PRPH2: variants seen among roughly 807,000 people sequenced by gnomAD.
PRPH2 encodes the protein peripherin-2.
Under a neutral mutation model 31.3 loss-of-function variants are expected in PRPH2, and 17 were observed. The observed-to-expected ratio is 0.54, with a 90% confidence interval of 0.37 to 0.81. The LOEUF (loss-of-function observed/expected upper bound fraction) is 0.81, where lower values mean the gene tolerates loss of function less well. Ranked by LOEUF, PRPH2 falls within the 40% of genes least tolerant of loss-of-function variation. PRPH2 has a pLI of 0.00. For missense variants in PRPH2, 430 were observed against 439.7 expected, an observed-to-expected ratio of 0.98 and a Z score of 0.20; for synonymous variants, 165 against 184.4, an observed-to-expected ratio of 0.89 and a Z score of 0.85.
intron 1 of PRPH2, chr6:42,711,840 C>T (rs976524622): frequency 3.0e-6 from 3 of 985,418 alleles, no homozygotes; most frequent in Non-Finnish European, 3.6e-6. Flanking sequence ...GGACCCCAGG[C>T]TGGGCCTTCC....
rs1344376590 is a variant in PRPH2, at chr6:42,722,406, G to A, written c.-72C>T. On this transcript the variant is annotated 5_prime_UTR_variant, in exon 1 of 3. Transcript: ENST00000230381. The surrounding 1 kb of genome is among the most constrained non-coding windows in gnomAD (Gnocchi z 4.4). The stretch of plus-strand genomic sequence containing the variant: ...CCCAAACCTTAACGAGCCCAGAGGC[G>A]GAGACTTAGGGCCTTGGGAAAAGTG... 24 of 1,590,690 alleles carry A rather than the reference G, an allele frequency of 1.5e-5. No individual in the cohort carries two copies. Among genetic ancestry groups the A allele is most frequent in the Admixed American group, 3.5e-5 (2 of 57,188 alleles).
At chr6:42,718,155 C>T (rs531205999) in intron 1 of PRPH2, among the ~76,000 whole-genome samples, 1 of 152,068 alleles carries the variant, frequency 6.6e-6, no homozygotes, top group East Asian at 1.9e-4. Context: ...ACCAAAAATA[C>T]AGAAAATTAG....
At chr6:42,715,700 T>A (rs1363347098) in intron 1 of PRPH2, among the ~76,000 whole-genome samples, 1 of 151,898 alleles carries the variant, frequency 6.6e-6, no homozygotes, top group East Asian at 1.9e-4. Context: ...AACAAAAAAC[T>A]CTTGTAAATT....
chr6:42,707,038 T>C (rs1800181445), intron 1 of PRPH2, among the ~76,000 whole-genome samples: 1 of 140,540 alleles, frequency 7.1e-6, no homozygotes, highest in South Asian at 2.2e-4. Flanking sequence ...CAGGCTGGAG[T>C]GCAGTGGTGT....
chr6:42,704,319 C>A (rs1314142401), intron 2 of PRPH2, 46 bp downstream of exon 2: 1 of 1,587,786 alleles, frequency 6.3e-7, no homozygotes, highest in African/African-American at 1.3e-5. Context: ...CCAAATGGGA[C>A]CGGAGGCTCT....
intron 1 of PRPH2, among the ~76,000 whole-genome samples, chr6:42,711,507 A>C (rs1761640702): frequency 6.6e-6 from 1 of 151,506 alleles, no homozygotes; most frequent in Non-Finnish European, 1.5e-5. Flanking sequence ...CCCTGTCTTC[A>C]GGGGACCCTA....
intron 1 of PRPH2, among the ~76,000 whole-genome samples, chr6:42,714,647 G>C (rs978203422): frequency 9.2e-5 from 14 of 152,098 alleles, no homozygotes; most frequent in Non-Finnish European, 2.1e-4. Flanking sequence ...CTCCCAAGTA[G>C]CTGAGACTAT....
At chr6:42,720,360 C>T (rs775304248) in intron 1 of PRPH2, among the ~76,000 whole-genome samples, 1 of 152,090 alleles carries the variant, frequency 6.6e-6, no homozygotes, top group Non-Finnish European at 1.5e-5. Context: ...CTACCATCGG[C>T]CTCTCCCACT....
chr6:42,701,723 GCTCA>G (rs1246860679), intron 2 of PRPH2, among the ~76,000 whole-genome samples: 1 of 107,894 alleles, frequency 9.3e-6, no homozygotes, highest in Non-Finnish European at 1.9e-5. Flanking sequence ...AGAGATGAGG[GCTCA>G]CTATGTTGCC....
intron 2 of PRPH2, 43 bp from the exon 3 acceptor site, chr6:42,698,550 G>A (rs1360536768): frequency 6.2e-7 from 1 of 1,611,268 alleles, no homozygotes; most frequent in East Asian, 2.2e-5. Flanking sequence ...TGGGAGAATC[G>A]CTGGGAGCTG....
At chr6:42,709,347 A>C (rs930589884) in intron 1 of PRPH2, among the ~76,000 whole-genome samples, 4 of 149,322 alleles carry the variant, frequency 2.7e-5, no homozygotes, top group Admixed American at 6.7e-5. Flanking sequence ...AAAAAAAAAA[A>C]AAAAAAAACT....
intron 2 of PRPH2, among the ~76,000 whole-genome samples, chr6:42,701,423 G>T (rs549859880): frequency 6.6e-6 from 1 of 151,694 alleles, no homozygotes; most frequent in Admixed American, 6.6e-5. Flanking sequence ...GCGCCTGGCC[G>T]TCATTTTTGT....
At chr6:42,714,857 G>T (rs572509545) in intron 1 of PRPH2, among the ~76,000 whole-genome samples, 2 of 152,134 alleles carry the variant, frequency 1.3e-5, no homozygotes, top group South Asian at 2.1e-4. Flanking sequence ...ACTTCCTATT[G>T]TGTGATCTTA....
Position 42,721,008 on chromosome 6 carries a change from T to C in PRPH2, c.581+746A>G, listed in dbSNP as rs1382392582. Reference sequence around the variant, plus strand: ...AATACTTTAGAAATGCTTTATCACATTGCACTATCATGACTCGCTAAGTAA... The same window carrying C: ...AATACTTTAGAAATGCTTTATCACACTGCACTATCATGACTCGCTAAGTAA... On this transcript the variant is annotated intron_variant, in intron 1 of 2. Transcript: ENST00000230381. Among the ~76,000 whole-genome samples the C allele has an allele frequency of 1.2e-4, 18 of 152,208 alleles. 1 individual carries two copies. The highest frequency in any genetic ancestry group is 1.2e-3 in the Admixed American group (18 of 15,268).
chr6:42,707,686 C>A (rs1240047515), intron 1 of PRPH2, among the ~76,000 whole-genome samples: 2 of 152,154 alleles, frequency 1.3e-5, no homozygotes, highest in Non-Finnish European at 2.9e-5. Flanking sequence ...ACTGGTGGTT[C>A]CATTTCCATG....
At chr6:42,699,189 G>A (rs970697425) in intron 2 of PRPH2, among the ~76,000 whole-genome samples, 20 of 151,594 alleles carry the variant, frequency 1.3e-4, no homozygotes, top group African/African-American at 4.1e-4. Context: ...AATAGCTAAC[G>A]TTGCAGGTGC....
In PRPH2 at chr6:42,716,584, A is replaced by AT. The variant is rs1227889112; in HGVS notation, c.581+5169dup. 4.8e-5 allele frequency among the ~76,000 whole-genome samples: 6 copies of AT among 125,222 alleles called. No homozygotes were observed. In the East Asian group the frequency reaches 1.4e-3, roughly 30 times the overall value. 82.2% of individuals were successfully genotyped at this position (125,222 alleles called of 152,430 possible). A position where few individuals can be genotyped will look rare whatever the true frequency, so the allele number is the denominator to read the frequency against. ...GGTGCATGCCACTGTGCCCTAGCTA[A>AT]TTTTTTTTGTTTGGTTTGGTTTGGT... On this transcript the variant is annotated intron_variant, in intron 1 of 2. Transcript: ENST00000230381.
intron 1 of PRPH2, among the ~76,000 whole-genome samples, chr6:42,708,978 C>T (rs1006905505): frequency 1.3e-5 from 2 of 152,170 alleles, no homozygotes; most frequent in Admixed American, 6.5e-5. Context: ...ATCGGATTGT[C>T]CTACAGAGGA....
At chr6:42,699,113 C>T (rs538482900) in intron 2 of PRPH2, among the ~76,000 whole-genome samples, 5 of 149,684 alleles carry the variant, frequency 3.3e-5, no homozygotes, top group South Asian at 2.1e-4. Flanking sequence ...AGTGCAGTGG[C>T]GTGGTCTCAG....
Sources: gnomAD v4.1 joint callset for allele counts (sites outside exome capture counted in the v4.1 genomes callset) on GRCh38, gnomAD v4.1.1 for gene constraint, Gnocchi (gnomAD v3.1) non-coding constraint, MANE v1.5 for transcripts, NCBI Gene and HGNC (gene_info 2026-07-23, HGNC 2026-07-21) for gene names.